Variants in SORCS1 observed in about 807,000 individuals in gnomAD.
SORCS1 encodes the protein sortilin related VPS10 domain containing receptor 1.
A neutral mutation model predicts 146.1 loss-of-function variants in SORCS1; 60 were observed. That is an observed-to-expected ratio of 0.41 (90% confidence interval 0.33 to 0.51). SORCS1 has a LOEUF of 0.51. SORCS1 is among the 20% of genes least tolerant of loss of function. The probability of loss-of-function intolerance (pLI) is 0.21; values close to 1 mark genes in which losing one functional copy is unlikely to be tolerated. For missense variants in SORCS1, 1,352 were observed against 1,487.6 expected (o/e 0.91, Z 1.50); for synonymous variants, 637 against 584.0 (o/e 1.09, Z -1.31).
At chr10:106,669,107 C>T (rs1851388938) in intron 16 of SORCS1, among the ~76,000 whole-genome samples, 1 of 152,044 alleles carries the variant, frequency 6.6e-6, no homozygotes, top group Non-Finnish European at 1.5e-5. Flanking sequence ...GGATGAGTAG[C>T]CGATTCCAAT....
At chr10:107,150,964 G>A (rs1003979490) in intron 1 of SORCS1, among the ~76,000 whole-genome samples, 1 of 152,160 alleles carries the variant, frequency 6.6e-6, no homozygotes, top group Non-Finnish European at 1.5e-5. Context: ...AGCAGCATGA[G>A]AATGAACCAA....
At chr10:107,117,509 C>T (rs533187661) in intron 1 of SORCS1, among the ~76,000 whole-genome samples, 4 of 152,212 alleles carry the variant, frequency 2.6e-5, no homozygotes, top group African/African-American at 7.2e-5. Flanking sequence ...CCCAGGAAAG[C>T]GCTGGGGGTG....
chr10:106,803,375 A>G (rs1022317312), intron 3 of SORCS1, among the ~76,000 whole-genome samples: 1 of 152,232 alleles, frequency 6.6e-6, no homozygotes, highest in African/African-American at 2.4e-5. Flanking sequence ...GCACTTGACC[A>G]CACTTATAAG....
At chr10:106,832,047 C>A (rs1283243968) in intron 2 of SORCS1, among the ~76,000 whole-genome samples, 1 of 152,182 alleles carries the variant, frequency 6.6e-6, no homozygotes, top group East Asian at 1.9e-4. Flanking sequence ...TAATGAATCA[C>A]AACAAAACTT....
chr10:106,834,873 T>G (rs2137062326), intron 2 of SORCS1, among the ~76,000 whole-genome samples: 1 of 152,348 alleles, frequency 6.6e-6, no homozygotes, highest in South Asian at 2.1e-4. Flanking sequence ...TGTCAACACC[T>G]ATACTGTGCC....
upstream of SORCS1, among the ~76,000 whole-genome samples, chr10:107,165,393 C>T (rs988117711): frequency 1.3e-5 from 2 of 151,944 alleles, no homozygotes; most frequent in Non-Finnish European, 2.9e-5. This position sits in a 1 kb window ranked among gnomAD's most constrained non-coding sequence, Gnocchi z 4.0. Context: ...AAAGCATTCA[C>T]TGAATTTGAA....
chr10:107,072,540 T>C (rs1962521483), intron 1 of SORCS1, among the ~76,000 whole-genome samples: 1 of 152,008 alleles, frequency 6.6e-6, no homozygotes, highest in African/African-American at 2.4e-5. Context: ...TCTCTGAATA[T>C]ACACACATAC....
chr10:106,662,851 G>A (rs1441768736), intron 17 of SORCS1, among the ~76,000 whole-genome samples: 1 of 152,134 alleles, frequency 6.6e-6, no homozygotes, highest in African/African-American at 2.4e-5. Flanking sequence ...AAGGAGGACG[G>A]CACTTAATAC....
intron 2 of SORCS1, among the ~76,000 whole-genome samples, chr10:106,955,284 A>G (rs1297408945): frequency 1.3e-5 from 2 of 152,236 alleles, no homozygotes; most frequent in Non-Finnish European, 2.9e-5. Context: ...CCCCTCGTCC[A>G]GACACCAGCG....
At chr10:106,844,448 A>C (rs2137184996) in intron 2 of SORCS1, among the ~76,000 whole-genome samples, 1 of 152,056 alleles carries the variant, frequency 6.6e-6, no homozygotes, top group East Asian at 1.9e-4. Context: ...TTCAGGACTT[A>C]TGTTTAAGTT....
At chr10:107,135,007 G>C (rs1436381083) in intron 1 of SORCS1, among the ~76,000 whole-genome samples, 1 of 152,202 alleles carries the variant, frequency 6.6e-6, no homozygotes, top group Non-Finnish European at 1.5e-5. Flanking sequence ...CTCCATGTGG[G>C]TGAGGATCTG....
rs922814482 is a variant in SORCS1, at chr10:106,599,918, C to T, written c.3166-2468G>A. On this transcript the variant is annotated intron_variant, in intron 23 of 25. Coordinates refer to ENST00000263054, the MANE Select transcript of SORCS1 (RefSeq NM_052918.5). ...TCCTGAGTAGCTGGGATTACAGGCG[C>T]CTGCCACCACATCCGGCTATTTTGT... Among the ~76,000 whole-genome samples the T allele has an allele frequency of 8.5e-5, 13 of 152,086 alleles. 3 individuals carry two copies. Among genetic ancestry groups the T allele is most frequent in the Admixed American group, 3.9e-4 (6 of 15,266 alleles).
At chr10:106,996,225 T>TG (rs1956992816) in intron 1 of SORCS1, among the ~76,000 whole-genome samples, 1 of 99,662 alleles carries the variant, frequency 1.0e-5, no homozygotes, top group Non-Finnish European at 2.0e-5. Context: ...AGACTCCATC[T>TG]AAAAAAAAAA....
intron 1 of SORCS1, among the ~76,000 whole-genome samples, chr10:107,014,484 G>T (rs1173187609): frequency 6.6e-6 from 1 of 152,124 alleles, no homozygotes; most frequent in African/African-American, 2.4e-5. Flanking sequence ...GGCAAAATGA[G>T]AAACTAGGAA....
At chr10:106,690,524 G>A (rs998612731) in intron 9 of SORCS1, among the ~76,000 whole-genome samples, 40 of 152,276 alleles carry the variant, frequency 2.6e-4, no homozygotes, top group African/African-American at 8.2e-4. Context: ...CAGAAGTGGC[G>A]ACTTTATTGG....
intron 24 of SORCS1, among the ~76,000 whole-genome samples, chr10:106,595,017 T>G (rs1179216680): frequency 1.3e-5 from 2 of 152,242 alleles, no homozygotes; most frequent in Non-Finnish European, 2.9e-5. Flanking sequence ...AACTCTTGTT[T>G]CTGGAATTTG....
chr10:106,921,245 C>T (rs80039975), intron 2 of SORCS1, among the ~76,000 whole-genome samples: 3,972 of 152,248 alleles, frequency 0.026, 119 homozygotes, highest in African/African-American at 0.072. Context: ...CTCCTCCTAC[C>T]CCTATGTGAT....
intron 3 of SORCS1, among the ~76,000 whole-genome samples, chr10:106,812,639 G>T (rs1413081993): frequency 6.6e-6 from 1 of 152,028 alleles, no homozygotes; most frequent in African/African-American, 2.4e-5. Flanking sequence ...AAAAGTGGGG[G>T]GAGAGTTATT....
At chr10:106,736,626 ACCC>A (rs1231079927) in intron 5 of SORCS1, among the ~76,000 whole-genome samples, 1 of 151,484 alleles carries the variant, frequency 6.6e-6, no homozygotes, top group African/African-American at 2.4e-5. Context: ...AAAAAAGATA[ACCC>A]TGGTTAAGGC....
Sources: allele counts gnomAD v4.1 joint callset (sites outside exome capture counted in the v4.1 genomes callset), GRCh38; gene constraint gnomAD v4.1.1; non-coding constraint Gnocchi (gnomAD v3.1); transcripts MANE v1.5; gene names NCBI Gene and HGNC (gene_info 2026-07-23, HGNC 2026-07-21).